PCDH15: variants seen among roughly 807,000 people sequenced by gnomAD.
The protein encoded by PCDH15 is protocadherin related 15.
A neutral mutation model predicts 178.5 loss-of-function variants in PCDH15; 129 were observed. The observed-to-expected ratio is 0.72, with a 90% confidence interval of 0.63 to 0.84. The LOEUF (loss-of-function observed/expected upper bound fraction) is 0.84. Ranked by LOEUF, PCDH15 falls within the 40% of genes least tolerant of loss-of-function variation. PCDH15 has a pLI of 0.00. For missense variants in PCDH15, 2,230 were observed against 2,099.9 expected, an observed-to-expected ratio of 1.06 and a Z score of -1.21; for synonymous variants, 800 against 732.0, an observed-to-expected ratio of 1.09 and a Z score of -1.50.
At chr10:54,477,091 C>T (rs2078327613) in intron 3 of PCDH15, among the ~76,000 whole-genome samples, 1 of 152,046 alleles carries the variant, frequency 6.6e-6, no homozygotes, top group Non-Finnish European at 1.5e-5. Context: ...AATTTATTTA[C>T]ATCTTTCTCA....
At chr10:54,917,688 T>A (rs1837376596) in intron 2 of PCDH15, among the ~76,000 whole-genome samples, 1 of 152,128 alleles carries the variant, frequency 6.6e-6, no homozygotes, top group Non-Finnish European at 1.5e-5. Flanking sequence ...AAACCTGATG[T>A]GAAGAATGAA....
chr10:55,568,663 G>A (rs976049746), intron 2 of PCDH15, among the ~76,000 whole-genome samples: 1 of 151,936 alleles, frequency 6.6e-6, no homozygotes, highest in Non-Finnish European at 1.5e-5. Context: ...TTCCAAAAGA[G>A]GATTCAAGTA....
intron 10 of PCDH15, among the ~76,000 whole-genome samples, chr10:54,207,348 C>T (rs1326679873): frequency 1.3e-5 from 2 of 149,788 alleles, no homozygotes; most frequent in African/African-American, 4.9e-5. Flanking sequence ...TGAAGAAACA[C>T]AAATACTGTT....
chr10:55,186,457 G>C (rs1839801943), intron 1 of PCDH15, among the ~76,000 whole-genome samples: 1 of 151,094 alleles, frequency 6.6e-6, no homozygotes, highest in Non-Finnish European at 1.5e-5. Context: ...AATTTTAATA[G>C]TTTGCCTACT....
At chr10:55,425,852 G>A (rs958030046) in intron 2 of PCDH15, among the ~76,000 whole-genome samples, 6 of 152,118 alleles carry the variant, frequency 3.9e-5, no homozygotes, top group Non-Finnish European at 1.5e-5. Flanking sequence ...TCAAACTTAT[G>A]ACACAAAATG....
intron 1 of PCDH15, among the ~76,000 whole-genome samples, chr10:54,755,546 C>A (rs941117003): frequency 1.3e-5 from 2 of 151,788 alleles, no homozygotes; most frequent in South Asian, 4.1e-4. Context: ...ATCCTAGACA[C>A]GTTTTAGGAA....
At chr10:55,150,059 GA>G (rs1378540757) in intron 2 of PCDH15, among the ~76,000 whole-genome samples, 2 of 118,130 alleles carry the variant, frequency 1.7e-5, no homozygotes, top group African/African-American at 6.0e-5. Flanking sequence ...AGAGAGAAGT[GA>G]AGAGGAGAGG....
intron 15 of PCDH15, among the ~76,000 whole-genome samples, chr10:54,124,268 T>C (rs1590634283): frequency 6.6e-6 from 1 of 152,298 alleles, no homozygotes; most frequent in Admixed American, 6.5e-5. Flanking sequence ...TCCACTTATA[T>C]AAGGTAGCTA....
chr10:55,197,517 T>A (rs115386268), intron 1 of PCDH15, among the ~76,000 whole-genome samples: 2,491 of 152,200 alleles, frequency 0.016, 37 homozygotes, highest in Middle Eastern at 0.078. Flanking sequence ...ATATAAGTCA[T>A]TTGAACCTTC....
At chr10:55,499,949 A>C (rs1589085076) in intron 2 of PCDH15, among the ~76,000 whole-genome samples, 1 of 151,722 alleles carries the variant, frequency 6.6e-6, no homozygotes, top group East Asian at 1.9e-4. Context: ...TGAATATAAA[A>C]ATGCACACCT....
At chr10:55,395,892 A>G (rs1837916399) in intron 2 of PCDH15, among the ~76,000 whole-genome samples, 4 of 152,146 alleles carry the variant, frequency 2.6e-5, no homozygotes, top group East Asian at 3.8e-4. Context: ...TATACAATGC[A>G]TCCCAGCATA....
intron 2 of PCDH15, among the ~76,000 whole-genome samples, chr10:55,580,109 G>A (rs758649777): frequency 6.6e-6 from 1 of 152,050 alleles, no homozygotes; most frequent in South Asian, 2.1e-4. Flanking sequence ...CACCCGCCTC[G>A]GCCTCCCAAA....
intron 2 of PCDH15, among the ~76,000 whole-genome samples, chr10:55,477,292 C>T (rs1840081667): frequency 1.3e-5 from 2 of 151,840 alleles, no homozygotes; most frequent in Admixed American, 6.6e-5. Context: ...TATGGTATGG[C>T]TTCCTTTCAG....
At chr10:55,269,289 A>G (rs1842377523) in intron 1 of PCDH15, among the ~76,000 whole-genome samples, 2 of 147,728 alleles carry the variant, frequency 1.4e-5, no homozygotes, top group Admixed American at 6.8e-5. Flanking sequence ...CAGAGCAATC[A>G]GGCAAGAGAA....
At chr10:54,077,252 C>A (rs1178219015) in intron 17 of PCDH15, among the ~76,000 whole-genome samples, 1 of 151,940 alleles carries the variant, frequency 6.6e-6, no homozygotes, top group Non-Finnish European at 1.5e-5. Flanking sequence ...TATGAGGAAA[C>A]GAGGACCTAG....
chr10:54,348,707 TAAAA>T (rs1344427733), intron 5 of PCDH15, among the ~76,000 whole-genome samples: 1 of 152,298 alleles, frequency 6.6e-6, no homozygotes. Flanking sequence ...TGAGAGCACT[TAAAA>T]AATCTATTTT....
chr10:53,962,713 C>T (rs1166897726), intron 21 of PCDH15, among the ~76,000 whole-genome samples: 3 of 152,072 alleles, frequency 2.0e-5, no homozygotes, highest in Admixed American at 6.6e-5. Context: ...TAAGTTGGGA[C>T]ACCAAACAAA....
intron 28 of PCDH15, among the ~76,000 whole-genome samples, chr10:53,846,622 C>T (rs974403697): frequency 1.3e-5 from 2 of 151,850 alleles, no homozygotes; most frequent in East Asian, 1.9e-4. Flanking sequence ...TATTCTTGAA[C>T]CAAGTTATTT....
At chr10:53,879,407 G>A (rs1023788235) in intron 26 of PCDH15, among the ~76,000 whole-genome samples, 2 of 152,104 alleles carry the variant, frequency 1.3e-5, no homozygotes, top group East Asian at 3.8e-4. Context: ...AGGAGGGTGG[G>A]AGCCAAGAAG....
Sources: allele counts gnomAD v4.1 joint callset (sites outside exome capture counted in the v4.1 genomes callset), GRCh38; gene constraint gnomAD v4.1.1; transcripts MANE v1.5; gene names NCBI Gene and HGNC (gene_info 2026-07-23, HGNC 2026-07-21).